Variants in MAGI2 observed in about 807,000 individuals in gnomAD.
MAGI2 encodes membrane associated guanylate kinase, WW and PDZ domain containing 2.
In MAGI2, 35 loss-of-function variants were observed where a neutral mutation model predicts 133.3. The ratio of observed to expected loss-of-function variants is 0.26; its 90% CI spans 0.20 to 0.35. The LOEUF is 0.35. Ranked by LOEUF, MAGI2 falls within the 10% of genes least tolerant of loss-of-function variation. The pLI is 1.00. For synonymous variants in MAGI2, 729 were observed against 710.6 expected (o/e 1.03, Z -0.41); for missense variants, 1,636 against 1,863.4 (o/e 0.88, Z 2.25).
intron 1 of MAGI2, among the ~76,000 whole-genome samples, chr7:79,078,268 C>G (rs1815721668): frequency 6.8e-6 from 1 of 146,426 alleles, no homozygotes; most frequent in African/African-American, 2.5e-5. Flanking sequence ...GTTCTTAGTA[C>G]AACTGAATAC....
At chr7:78,292,647 C>G (rs1338255007) in intron 9 of MAGI2, among the ~76,000 whole-genome samples, 1 of 152,162 alleles carries the variant, frequency 6.6e-6, no homozygotes, top group African/African-American at 2.4e-5. Flanking sequence ...GTCAAAAGAA[C>G]AAAGCTGGAG....
At chr7:79,015,343 A>G (rs1203722617) in intron 1 of MAGI2, among the ~76,000 whole-genome samples, 2 of 81,000 alleles carry the variant, frequency 2.5e-5, no homozygotes, top group African/African-American at 8.4e-5. Flanking sequence ...GTCCTCTAAT[A>G]TTTTTTTTCA....
intron 10 of MAGI2, among the ~76,000 whole-genome samples, chr7:78,238,316 C>T (rs771377327): frequency 3.0e-4 from 45 of 152,142 alleles, no homozygotes; most frequent in Non-Finnish European, 5.0e-4. Context: ...ACTGGATTCT[C>T]GGTTCCCCAT....
At chr7:78,506,675 A>G (rs1795118634) in intron 4 of MAGI2, among the ~76,000 whole-genome samples, 2 of 152,244 alleles carry the variant, frequency 1.3e-5, no homozygotes, top group Admixed American at 1.3e-4. Flanking sequence ...GTCCAGCAAG[A>G]CAAGGACATA....
At chr7:78,790,126 TAAAAC>T (rs1366641664) in intron 2 of MAGI2, among the ~76,000 whole-genome samples, 1 of 152,140 alleles carries the variant, frequency 6.6e-6, no homozygotes, top group Non-Finnish European at 1.5e-5. Flanking sequence ...TCCAATAAAA[TAAAAC>T]AAATGTATAT....
At chr7:78,280,599 A>T (rs1349616966) in intron 9 of MAGI2, among the ~76,000 whole-genome samples, 3 of 152,160 alleles carry the variant, frequency 2.0e-5, no homozygotes, top group Admixed American at 2.0e-4. Context: ...CCCGTGACAT[A>T]TAAGTATCAC....
At chr7:78,663,362 A>G (rs1294146029) in intron 2 of MAGI2, among the ~76,000 whole-genome samples, 1 of 151,998 alleles carries the variant, frequency 6.6e-6, no homozygotes, top group Non-Finnish European at 1.5e-5. Flanking sequence ...ACGCGCTACC[A>G]CACACAGCTA....
At chr7:79,280,137 T>G (rs1409013494) in intron 1 of MAGI2, among the ~76,000 whole-genome samples, 1 of 152,218 alleles carries the variant, frequency 6.6e-6, no homozygotes, top group Non-Finnish European at 1.5e-5. Context: ...TAAGTCTTGG[T>G]CTCTGTGTTA....
chr7:78,991,778 T>C (rs747531585), intron 2 of MAGI2, among the ~76,000 whole-genome samples: 13 of 151,954 alleles, frequency 8.6e-5, no homozygotes, highest in Non-Finnish European at 1.9e-4. Flanking sequence ...AGTCTAAAAG[T>C]TTTGCTCAAA....
At chr7:79,049,670 C>T (rs182967417) in intron 1 of MAGI2, among the ~76,000 whole-genome samples, 169 of 151,794 alleles carry the variant, frequency 1.1e-3, no homozygotes, top group Non-Finnish European at 1.8e-3. Flanking sequence ...TAAAATCGGC[C>T]TTGTTATTTT....
intron 6 of MAGI2, among the ~76,000 whole-genome samples, chr7:78,440,470 C>T (rs7787781): frequency 0.79 from 119,649 of 152,106 alleles, 48,993 homozygotes; most frequent in Middle Eastern, 0.93. Flanking sequence ...TGAAGAGACA[C>T]CGTGAAGGCA....
chr7:78,534,301 C>T (rs937852091), intron 3 of MAGI2, among the ~76,000 whole-genome samples: 1 of 152,196 alleles, frequency 6.6e-6, no homozygotes. Flanking sequence ...GCCTTTCTCC[C>T]TCAATCTGGG....
At chr7:78,341,873 G>A (rs1394073052) in intron 9 of MAGI2, among the ~76,000 whole-genome samples, 1 of 152,100 alleles carries the variant, frequency 6.6e-6, no homozygotes, top group African/African-American at 2.4e-5. Context: ...GAAAACCCAG[G>A]CAATACCATT....
At chr7:78,098,628 C>T (rs1196881531) in intron 20 of MAGI2, among the ~76,000 whole-genome samples, 1 of 152,072 alleles carries the variant, frequency 6.6e-6, no homozygotes. Flanking sequence ...AGTGGAGTTG[C>T]TGATTTGTAG....
chr7:78,064,411 G>C (rs1813604754), intron 21 of MAGI2, among the ~76,000 whole-genome samples: 1 of 151,756 alleles, frequency 6.6e-6, no homozygotes, highest in African/African-American at 2.4e-5. Flanking sequence ...ATGTTTAGTA[G>C]TAAGCCAATT....
At chr7:78,432,621 C>T (rs1348860959) in intron 6 of MAGI2, among the ~76,000 whole-genome samples, 1 of 152,026 alleles carries the variant, frequency 6.6e-6, no homozygotes, top group African/African-American at 2.4e-5. Context: ...TCAATCACCT[C>T]TGGTACAACT....
intron 1 of MAGI2, among the ~76,000 whole-genome samples, chr7:79,105,026 G>T (rs1343782570): frequency 6.6e-6 from 1 of 152,122 alleles, no homozygotes. Context: ...TCTATTCATT[G>T]TTGTTGAAAA....
chr7:78,296,176 A>G (rs1797218706), intron 9 of MAGI2, among the ~76,000 whole-genome samples: 2 of 152,140 alleles, frequency 1.3e-5, no homozygotes, highest in South Asian at 4.1e-4. Flanking sequence ...AAGTTTTATT[A>G]TTTTATTCCT....
chr7:78,422,663 G>A (rs1470234728), intron 6 of MAGI2, among the ~76,000 whole-genome samples: 1 of 151,858 alleles, frequency 6.6e-6, no homozygotes, highest in Non-Finnish European at 1.5e-5. Flanking sequence ...GAAGAGAAAG[G>A]AACTTTCTCA....
Sources: allele counts gnomAD v4.1 joint callset (sites outside exome capture counted in the v4.1 genomes callset), GRCh38; gene constraint gnomAD v4.1.1; transcripts MANE v1.5; gene names NCBI Gene and HGNC (gene_info 2026-07-23, HGNC 2026-07-21).